SLN: variants seen among roughly 807,000 people sequenced by gnomAD.
SLN encodes the protein sarcolipin.
For missense variants in SLN, 34 were observed against 37.4 expected (o/e 0.91, Z 0.24); for synonymous variants, 19 against 14.4 (o/e 1.32, Z -0.72).
At position 107,707,978 on chromosome 11, in the gene SLN, C is replaced by G. The variant is rs755264457; in HGVS notation, c.-48G>C. On this transcript the variant is annotated 5_prime_UTR_variant, in exon 2 of 2. Transcript: ENST00000305991. ...CTGCAGGCAGATTTCTGAGGGCACA[C>G]CAAGGACCTCTGGCTTCTCCTCACC... is the stretch of plus-strand genomic sequence containing the variant. 8.2e-6 allele frequency: 11 copies of G among 1,340,282 alleles called. No individual in the cohort carries two copies. Among genetic ancestry groups the G allele is most frequent in the Non-Finnish European group, 1.2e-5 (11 of 930,148 alleles). 83.0% of individuals were successfully genotyped at this position (1,340,282 alleles called of 1,614,324 possible). A position where few individuals can be genotyped will look rare whatever the true frequency, so the allele number is the denominator to read the frequency against.
chr11:107,709,635 C>T (rs987547405), intron 1 of SLN, among the ~76,000 whole-genome samples: 8 of 151,984 alleles, frequency 5.3e-5, no homozygotes, highest in African/African-American at 1.5e-4. Flanking sequence ...TCCCTTGAGC[C>T]TAGGAGTTTA....
At chr11:107,708,043 T>G in intron 1 of SLN, 38 bp from the exon 2 acceptor site, 1 of 743,770 alleles carries the variant, frequency 1.3e-6, no homozygotes, top group Non-Finnish European at 2.4e-6. Flanking sequence ...AGGAGATTAA[T>G]GGGCATTCCT....
At position 107,707,671 on chromosome 11, in the gene SLN, TAATC is replaced by T. The variant is rs1867169192; in HGVS notation, c.*160_*163del. On this transcript the variant is annotated 3_prime_UTR_variant, in exon 2 of 2. Transcript: ENST00000305991. ...GGGAGCAGCATCTTTGGAGAACACA[TAATC>T]AATCCTAGCACTACAGCATAGCAGA... The T allele has an allele frequency of 1.8e-6, 1 of 544,652 alleles. No individual in the cohort carries two copies. Among genetic ancestry groups the T allele is most frequent in the South Asian group, 2.7e-5 (1 of 36,596 alleles). The allele number at this position is 544,652 out of a possible 1,614,324, so 33.7% of individuals were successfully genotyped here.
At chr11:107,708,150 CA>C (rs1047380897) in intron 1 of SLN, 145 bp from the exon 2 acceptor site, 12 of 579,118 alleles carry the variant, frequency 2.1e-5, no homozygotes, top group Non-Finnish European at 3.7e-5. Context: ...ATCTACATGT[CA>C]AAGCCCTAGC....
chr11:107,708,065 C>A, intron 1 of SLN, 60 bp from the exon 2 acceptor site: 1 of 669,320 alleles, frequency 1.5e-6, no homozygotes, highest in Non-Finnish European at 2.7e-6. Context: ...TATAACAATG[C>A]TCGTTCTTTC....
At chr11:107,710,868 T>G (rs535703045) in intron 1 of SLN, among the ~76,000 whole-genome samples, 2 of 152,310 alleles carry the variant, frequency 1.3e-5, no homozygotes, top group African/African-American at 4.8e-5. Flanking sequence ...AATTGTGGTA[T>G]AGTTATACAT....
chr11:107,710,373 G>C (rs1448491858), intron 1 of SLN, among the ~76,000 whole-genome samples: 1 of 152,198 alleles, frequency 6.6e-6, no homozygotes, highest in African/African-American at 2.4e-5. Context: ...CTCAGAAAAT[G>C]AGAAAAATAC....
chr11:107,711,043 G>A (rs1299899971), intron 1 of SLN, among the ~76,000 whole-genome samples: 3 of 152,142 alleles, frequency 2.0e-5, no homozygotes, highest in African/African-American at 7.2e-5. Flanking sequence ...TATTGTTTAG[G>A]CATGCAGACA....
Position 107,707,613 on chromosome 11 carries a change from C to G in SLN, c.*222G>C. 2.0e-6 allele frequency: 1 copy of G among 492,524 alleles called. No homozygotes were observed. Among genetic ancestry groups the G allele is most frequent in the Non-Finnish European group, 3.6e-6 (1 of 277,150 alleles). 30.5% of individuals were successfully genotyped at this position (492,524 alleles called of 1,614,324 possible). On this transcript the variant is annotated 3_prime_UTR_variant, in exon 2 of 2. Transcript: ENST00000305991. The stretch of plus-strand genomic sequence containing the variant: ...TTCAGTTAAGAGTTGGGGAATAAAT[C>G]TACCGTTCCCTGGCAAACACTTGGC...
At chr11:107,711,633 A>G (rs766062599) in intron 1 of SLN, among the ~76,000 whole-genome samples, 2 of 152,210 alleles carry the variant, frequency 1.3e-5, no homozygotes, top group Admixed American at 1.3e-4. Context: ...TGGATGAACT[A>G]AAACCCAAAA....
In SLN at chr11:107,707,980, A is replaced by C. The variant is rs547549055; in HGVS notation, c.-50T>G. The C allele has an allele frequency of 5.8e-5, 77 of 1,336,270 alleles. 2 individuals carry two copies. The South Asian group carries it at 8.7e-4, about 15-fold the overall frequency. 82.8% of individuals were successfully genotyped at this position (1,336,270 alleles called of 1,614,324 possible). A position where few individuals can be genotyped will look rare whatever the true frequency, so the allele number is the denominator to read the frequency against. On this transcript the variant is annotated 5_prime_UTR_variant, in exon 2 of 2. Transcript: ENST00000305991. ...GCAGGCAGATTTCTGAGGGCACACCAAGGACCTCTGGCTTCTCCTCACCTC... is the reference window on the plus strand; with the variant it reads ...GCAGGCAGATTTCTGAGGGCACACCCAGGACCTCTGGCTTCTCCTCACCTC...
intron 1 of SLN, among the ~76,000 whole-genome samples, chr11:107,710,315 T>G (rs1005413520): frequency 3.3e-5 from 5 of 152,206 alleles, no homozygotes; most frequent in African/African-American, 4.8e-5. Context: ...CCTATTAAAT[T>G]AAGCTGTTAA....
In SLN at chr11:107,707,890, A is replaced by G. The variant is rs1867172059; in HGVS notation, c.41T>C (p.Ile14Thr). 6.2e-7 allele frequency: 1 copy of G among 1,614,038 alleles called. No homozygotes were observed. The highest frequency in any genetic ancestry group is 1.3e-5 in the African/African-American group (1 of 75,032). The change falls in exon 2 of 2, where the codon ATT (isoleucine) becomes ACT (threonine). Residue 14 changes from isoleucine to threonine, a missense_variant. By Grantham distance (89) the Ile-to-Thr change is moderately conservative. Coordinates refer to ENST00000305991, the MANE Select transcript of SLN (RefSeq NM_003063.3). ...NTRELFLNFT[I>T]VLITVILMWL... is the part of the protein sequence containing the mutation. The stretch of plus-strand genomic sequence containing the variant: ...CATAAGAATAACCGTAATCAAGACA[A>G]TAGTGAAGTTGAGAAACAGCTCCCG...
At chr11:107,710,293 C>G (rs184823149) in intron 1 of SLN, among the ~76,000 whole-genome samples, 1 of 152,262 alleles carries the variant, frequency 6.6e-6, no homozygotes, top group East Asian at 1.9e-4. Flanking sequence ...AACAACGGTC[C>G]CACCAAATCT....
Position 107,707,689 on chromosome 11 carries a change from C to T in SLN, c.*146G>A, listed in dbSNP as rs1376170708. 11 of 626,970 alleles carry T rather than the reference C, an allele frequency of 1.8e-5. No homozygotes were observed. Among genetic ancestry groups the T allele is most frequent in the Admixed American group, 1.6e-4 (6 of 38,234 alleles). The allele number at this position is 626,970 out of a possible 1,614,324, so 38.8% of individuals were successfully genotyped here. On this transcript the variant is annotated 3_prime_UTR_variant, in exon 2 of 2. Coordinates refer to ENST00000305991, the MANE Select transcript of SLN (RefSeq NM_003063.3). Reference sequence around the variant, plus strand: ...GAACACATAATCAATCCTAGCACTACAGCATAGCAGATATTGTGAGTGCAG... The same window carrying T: ...GAACACATAATCAATCCTAGCACTATAGCATAGCAGATATTGTGAGTGCAG...
intron 1 of SLN, among the ~76,000 whole-genome samples, chr11:107,709,428 AAACT>A (rs1867187783): frequency 6.6e-6 from 1 of 152,214 alleles, no homozygotes. Flanking sequence ...TGGTATTTTT[AAACT>A]ATCTAGCATG....
intron 1 of SLN, among the ~76,000 whole-genome samples, chr11:107,708,577 C>T (rs1867179413): frequency 6.6e-6 from 1 of 152,108 alleles, no homozygotes; most frequent in Non-Finnish European, 1.5e-5. Context: ...TCTGAAGAGC[C>T]CTAATGATTA....
In SLN at chr11:107,707,667, C is replaced by T. The variant is rs1867169164; in HGVS notation, c.*168G>A. 1 of 540,492 alleles carries T rather than the reference C, an allele frequency of 1.9e-6. No homozygotes were observed. Among genetic ancestry groups the T allele is most frequent in the Non-Finnish European group, 3.3e-6 (1 of 303,490 alleles). 33.5% of individuals were successfully genotyped at this position (540,492 alleles called of 1,614,324 possible). Reference sequence around the variant, plus strand: ...CCTTGGGAGCAGCATCTTTGGAGAACACATAATCAATCCTAGCACTACAGC... The same window carrying T: ...CCTTGGGAGCAGCATCTTTGGAGAATACATAATCAATCCTAGCACTACAGC... On this transcript the variant is annotated 3_prime_UTR_variant, in exon 2 of 2. Transcript: ENST00000305991.
intron 1 of SLN, among the ~76,000 whole-genome samples, chr11:107,710,881 G>C (rs1013866883): frequency 4.6e-5 from 7 of 152,160 alleles, no homozygotes; most frequent in African/African-American, 1.7e-4. Flanking sequence ...TTATACATTT[G>C]AATTTCATAA....
Sources: allele counts gnomAD v4.1 joint callset (sites outside exome capture counted in the v4.1 genomes callset), GRCh38; gene constraint gnomAD v4.1.1; transcripts MANE v1.5; gene names NCBI Gene and HGNC (gene_info 2026-07-23, HGNC 2026-07-21).